ESRRG: variants seen among roughly 807,000 people sequenced by gnomAD.
The protein encoded by ESRRG is estrogen-related receptor gamma.
Under a neutral mutation model 44.0 loss-of-function variants are expected in ESRRG, and 13 were observed. The observed-to-expected ratio is 0.30, with a 90% CI of 0.19 to 0.47. The LOEUF is 0.47. Among genes scored for constraint, ESRRG ranks in the 20% least tolerant of loss-of-function variants. ESRRG has a pLI of 1.00. For synonymous variants in ESRRG, 215 were observed against 214.6 expected (o/e 1.00, Z -0.02); for missense variants, 395 against 580.6 (o/e 0.68, Z 3.29).
intron 2 of ESRRG, among the ~76,000 whole-genome samples, chr1:216,929,872 C>T (rs11572503): frequency 6.6e-6 from 1 of 152,164 alleles, no homozygotes; most frequent in African/African-American, 2.4e-5. Context: ...CCAAGCACAA[C>T]TGCCATGCCA....
intron 1 of ESRRG, among the ~76,000 whole-genome samples, chr1:216,690,754 A>G (rs925787958): frequency 6.6e-6 from 1 of 152,094 alleles, no homozygotes; most frequent in African/African-American, 2.4e-5. Flanking sequence ...TCTACCTCTC[A>G]TTTACACACA....
intron 1 of ESRRG, among the ~76,000 whole-genome samples, chr1:217,119,054 C>G (rs974213902): frequency 6.6e-6 from 1 of 151,384 alleles, no homozygotes; most frequent in Admixed American, 6.6e-5. Context: ...TAGATAGAGA[C>G]ACAGATACAG....
chr1:216,600,510 T>C (rs1289900548), intron 3 of ESRRG, among the ~76,000 whole-genome samples: 1 of 151,586 alleles, frequency 6.6e-6, no homozygotes, highest in African/African-American at 2.4e-5. Flanking sequence ...AGTGCTGGGT[T>C]TTTGTTTTGT....
chr1:216,638,917 G>C (rs913087722), intron 3 of ESRRG, among the ~76,000 whole-genome samples: 2 of 152,194 alleles, frequency 1.3e-5, no homozygotes, highest in African/African-American at 2.4e-5. Flanking sequence ...ATAGCAGATA[G>C]AAATATTTAC....
intron 1 of ESRRG, 67 bp downstream of exon 1, chr1:216,723,177 T>C (rs2086719958): frequency 1.5e-6 from 2 of 1,310,344 alleles, no homozygotes; most frequent in East Asian, 2.3e-5. Flanking sequence ...TGTAAAGATA[T>C]AGTCTGTCCG....
intron 2 of ESRRG, among the ~76,000 whole-genome samples, chr1:216,888,934 A>T (rs1302050804): frequency 6.6e-6 from 1 of 152,216 alleles, no homozygotes; most frequent in Admixed American, 6.5e-5. Context: ...GGCAAAGAAT[A>T]GAAGAGTCAA....
intron 2 of ESRRG, among the ~76,000 whole-genome samples, chr1:216,839,742 C>CAACA (rs34329253): frequency 0.74 from 112,355 of 151,578 alleles, 41,938 homozygotes; most frequent in African/African-American, 0.81. Flanking sequence ...TGAATGAAAC[C>CAACA]TTCATCTCCT....
intron 2 of ESRRG, among the ~76,000 whole-genome samples, chr1:216,841,500 A>G (rs1559833976): frequency 6.6e-6 from 1 of 152,178 alleles, no homozygotes; most frequent in Admixed American, 6.5e-5. Flanking sequence ...AACAGCTGCC[A>G]ACTTCATTTA....
chr1:216,950,504 G>T (rs2066775731), intron 1 of ESRRG, among the ~76,000 whole-genome samples: 1 of 152,074 alleles, frequency 6.6e-6, no homozygotes. Flanking sequence ...TTCAACAAAA[G>T]AAATCAAGCT....
intron 1 of ESRRG, among the ~76,000 whole-genome samples, chr1:217,119,527 C>A (rs564111161): frequency 2.6e-5 from 4 of 152,288 alleles, no homozygotes; most frequent in African/African-American, 9.6e-5. Context: ...GATTACATTT[C>A]TTTTGTATCC....
At chr1:216,539,365 C>T (rs1433364049) in intron 5 of ESRRG, among the ~76,000 whole-genome samples, 3 of 151,814 alleles carry the variant, frequency 2.0e-5, no homozygotes, top group South Asian at 2.1e-4. Context: ...ATACAATTTT[C>T]GTTTGGTTGC....
chr1:217,037,232 A>AT (rs1432131505), intron 1 of ESRRG, among the ~76,000 whole-genome samples: 2 of 152,076 alleles, frequency 1.3e-5, no homozygotes, highest in African/African-American at 2.4e-5. Context: ...AATGTTTCAT[A>AT]TTTTTTCTTA....
intron 5 of ESRRG, 91 bp from the exon 6 acceptor site, chr1:216,519,512 G>T: frequency 8.0e-7 from 1 of 1,256,296 alleles, no homozygotes; most frequent in Non-Finnish European, 1.1e-6. Context: ...TTCTGCATCA[G>T]TGCTCAAAAT....
At chr1:216,574,184 T>C (rs1011737315) in intron 3 of ESRRG, among the ~76,000 whole-genome samples, 2 of 152,162 alleles carry the variant, frequency 1.3e-5, no homozygotes, top group African/African-American at 4.8e-5. Flanking sequence ...ATTATCTTTC[T>C]TCTAAATAAA....
chr1:216,982,789 G>C (rs1013667466), intron 1 of ESRRG, among the ~76,000 whole-genome samples: 1 of 152,132 alleles, frequency 6.6e-6, no homozygotes, highest in African/African-American at 2.4e-5. Flanking sequence ...TCTAAATCAA[G>C]ACCCAGAGTT....
chr1:216,527,043 A>G (rs1367125123), intron 5 of ESRRG, among the ~76,000 whole-genome samples: 1 of 152,226 alleles, frequency 6.6e-6, no homozygotes. Flanking sequence ...GTGAAGCACT[A>G]TGTTCAGTAC....
rs143858169 is a variant in ESRRG, at chr1:216,834,665, A to T, written c.-14+104917T>A. Among the ~76,000 whole-genome samples the T allele has an allele frequency of 2.5e-3, 381 of 152,322 alleles. 1 individual carries two copies. Among genetic ancestry groups the T allele is most frequent in the Middle Eastern group, 0.02 (6 of 294 alleles). The stretch of plus-strand genomic sequence containing the variant: ...TTGAAGTGCTGTTGAAAATTAAAAG[A>T]CAGGTCAAGACTGGAATGTACAATT... On this transcript the variant is annotated intron_variant, in intron 2 of 7. Transcript: ENST00000359162.
At chr1:216,885,177 T>C (rs2096497328) in intron 2 of ESRRG, among the ~76,000 whole-genome samples, 1 of 150,060 alleles carries the variant, frequency 6.7e-6, no homozygotes, top group Non-Finnish European at 1.5e-5. Context: ...GTTTGATTCA[T>C]TTAAATAAAA....
At chr1:216,905,957 G>A (rs972235116) in intron 2 of ESRRG, among the ~76,000 whole-genome samples, 1 of 152,084 alleles carries the variant, frequency 6.6e-6, no homozygotes, top group Non-Finnish European at 1.5e-5. Flanking sequence ...CACCATATTG[G>A]CCAGCCTGGT....
Sources: gnomAD v4.1 joint callset for allele counts (sites outside exome capture counted in the v4.1 genomes callset) on GRCh38, gnomAD v4.1.1 for gene constraint, MANE v1.5 for transcripts, NCBI Gene and HGNC (gene_info 2026-07-23, HGNC 2026-07-21) for gene names.